CRK: variants seen among roughly 807,000 people sequenced by gnomAD.
CRK encodes CRK proto-oncogene, adaptor protein.
CRK carries 4 observed loss-of-function variants against 29.8 expected under a neutral mutation model. The ratio of observed to expected loss-of-function variants is 0.13; its 90% CI spans 0.07 to 0.31. The LOEUF is 0.31. Ranked by LOEUF, CRK falls within the 10% of genes least tolerant of loss-of-function variation. The pLI is 1.00. For missense variants in CRK, 274 were observed against 396.5 expected (o/e 0.69, Z 2.62); for synonymous variants, 153 against 164.9 (o/e 0.93, Z 0.55).
Position 1,423,385 on chromosome 17 carries a change from ATC to A in CRK, c.*126_*127del. ...AATGGAGCAGTTCAGTCTAAAAAATATCACAGGTAACAGAATGCTTATATAAA... is the reference window on the plus strand; with the variant it reads ...AATGGAGCAGTTCAGTCTAAAAAATAACAGGTAACAGAATGCTTATATAAA... On this transcript the variant is annotated 3_prime_UTR_variant, in exon 3 of 3. Transcript: ENST00000300574. 2 of 1,184,082 alleles carry A rather than the reference ATC, an allele frequency of 1.7e-6. No homozygotes were observed. The highest frequency in any genetic ancestry group is 2.3e-6 in the Non-Finnish European group (2 of 852,158). 73.3% of individuals were successfully genotyped at this position (1,184,082 alleles called of 1,614,324 possible).
intron 1 of CRK, 118 bp downstream of exon 1, chr17:1,455,759 G>A: frequency 3.0e-6 from 4 of 1,319,326 alleles, no homozygotes; most frequent in Non-Finnish European, 3.9e-6. Flanking sequence ...CCCCTGCCAC[G>A]GTCACCCAGC....
intron 2 of CRK, 98 bp from the exon 3 acceptor site, chr17:1,423,748 C>T: frequency 1.4e-6 from 2 of 1,455,772 alleles, no homozygotes; most frequent in South Asian, 1.3e-5. Flanking sequence ...CATGTGACTG[C>T]TCTAGGGATA....
intron 1 of CRK, among the ~76,000 whole-genome samples, chr17:1,442,556 ATTAATT>A (rs1350318510): frequency 6.8e-6 from 1 of 147,302 alleles, no homozygotes; most frequent in African/African-American, 2.5e-5. Context: ...TCCAGCCATT[ATTAATT>A]TTAATTATTT....
intron 2 of CRK, among the ~76,000 whole-genome samples, chr17:1,432,003 C>CT (rs1261201009): frequency 6.6e-6 from 1 of 152,182 alleles, no homozygotes; most frequent in Non-Finnish European, 1.5e-5. Context: ...ACTTGAAGTA[C>CT]TACAAGGTAG....
chr17:1,452,457 G>A (rs2074025195), intron 1 of CRK, among the ~76,000 whole-genome samples: 1 of 152,178 alleles, frequency 6.6e-6, no homozygotes, highest in South Asian at 2.1e-4. Flanking sequence ...TCAGTACTTA[G>A]TACTTGAGAT....
At chr17:1,430,018 G>C (rs1050497331) in intron 2 of CRK, among the ~76,000 whole-genome samples, 3 of 150,972 alleles carry the variant, frequency 2.0e-5, no homozygotes, top group Non-Finnish European at 4.4e-5. Flanking sequence ...ACGGAGATGA[G>C]ATAATGGCTA....
chr17:1,442,928 T>C (rs1366442325), intron 1 of CRK, among the ~76,000 whole-genome samples: 1 of 150,690 alleles, frequency 6.6e-6, no homozygotes, highest in African/African-American at 2.4e-5. Context: ...CTCACTCTGC[T>C]GTCCAGGCTG....
In CRK at chr17:1,436,617, T is replaced by A; in HGVS notation, c.777+3A>T. ...TTCTTTCTACATTGTGCACGTTATG[T>A]ACCTCCAAAGCCAAGGCTGTCTTGT... On this transcript the variant is annotated splice_donor_region_variant and intron_variant, in intron 2 of 2. Coordinates refer to ENST00000300574, the MANE Select transcript of CRK (RefSeq NM_016823.4). The A allele has an allele frequency of 6.3e-7, 1 of 1,595,720 alleles. No homozygotes were observed. The highest frequency in any genetic ancestry group is 8.5e-7 in the Non-Finnish European group (1 of 1,173,108).
chr17:1,436,558 A>G (rs548170326), intron 2 of CRK, 62 bp downstream of exon 2: 15 of 1,515,544 alleles, frequency 9.9e-6, no homozygotes, highest in Middle Eastern at 2.1e-4. Context: ...ACAAAGCTCT[A>G]AGAGGACCGA....
chr17:1,438,021 C>T (rs557911117), intron 1 of CRK, among the ~76,000 whole-genome samples: 2 of 152,118 alleles, frequency 1.3e-5, no homozygotes, highest in East Asian at 3.9e-4. Context: ...TCATGGGTCC[C>T]TGCTGCTGTT....
In CRK at chr17:1,456,045, C is replaced by T; in HGVS notation, c.73G>A (p.Ala25Thr). The T allele has an allele frequency of 1.3e-6, 2 of 1,593,892 alleles. No homozygotes were observed. Among genetic ancestry groups the T allele is most frequent in the Non-Finnish European group, 1.7e-6 (2 of 1,172,306 alleles). The part of the protein sequence containing the change: ...WGRLSRQEAV[A>T]LLQGQRHGVF... ...CCGTGCCGCTGGCCCTGCAGCAGCG[C>T]CACCGCCTCCTGCCGACTCAACCTC... The change falls in exon 1 of 3, where the codon GCG becomes ACG. Residue 25 changes from alanine (A) to threonine (T), a missense_variant. Ala to Thr is a moderately conservative substitution (Grantham distance 58). Transcript: ENST00000300574.
chr17:1,430,595 G>A (rs2073833842), intron 2 of CRK, among the ~76,000 whole-genome samples: 1 of 136,664 alleles, frequency 7.3e-6, no homozygotes, highest in Non-Finnish European at 1.6e-5. Context: ...TCCATTTCCT[G>A]ACCTCGTGAT....
chr17:1,438,943 T>A (rs2073912014), intron 1 of CRK, among the ~76,000 whole-genome samples: 1 of 151,178 alleles, frequency 6.6e-6, no homozygotes, highest in Non-Finnish European at 1.5e-5. Context: ...CAAGCAAGCC[T>A]CCCACCCAGC....
At chr17:1,437,224 T>A (rs2073893636) in intron 1 of CRK, 69 bp from the exon 2 acceptor site, 4 of 1,467,838 alleles carry the variant, frequency 2.7e-6, no homozygotes, top group Non-Finnish European at 3.6e-6. Context: ...GATTTTATTT[T>A]TATTTTTTTT....
chr17:1,436,645 T>C lies in CRK; in HGVS notation c.752A>G (p.Tyr251Cys), dbSNP rs1378140776. 1 of 1,608,732 alleles carries C rather than the reference T, an allele frequency of 6.2e-7. No homozygotes were observed. The highest frequency in any genetic ancestry group is 8.5e-7 in the Non-Finnish European group (1 of 1,178,328). Residue 251 changes from tyrosine (Y) to cysteine (C), a missense_variant, in exon 2 of 3, where the codon TAC becomes TGC. By Grantham distance (194) the Tyr-to-Cys change is radical. Around this residue, in one of 3 missense-constraint regions of CRK, gnomAD observed 121 missense variants for 154.3 expected, o/e 0.78. Transcript: ENST00000300574. ...CTCCAAAGCCAAGGCTGTCTTGTCG[T>C]AGGCATTGGGGACTCGCTTCTGGAT... The part of the protein sequence containing the change: ...RVIQKRVPNA[Y>C]DKTALALEVG...
chr17:1,440,316 T>A (rs1337633433), intron 1 of CRK, among the ~76,000 whole-genome samples: 2 of 146,716 alleles, frequency 1.4e-5, no homozygotes, highest in African/African-American at 5.1e-5. Flanking sequence ...AAAAAAAAAT[T>A]AGCCAGGCAT....
chr17:1,445,020 C>T (rs573953458), intron 1 of CRK, among the ~76,000 whole-genome samples: 4 of 146,054 alleles, frequency 2.7e-5, no homozygotes, highest in Non-Finnish European at 4.5e-5. Flanking sequence ...TGGTGGCGGG[C>T]GCCTGTAGTC....
At chr17:1,425,106 T>A (rs1279585727) in intron 2 of CRK, among the ~76,000 whole-genome samples, 1 of 151,950 alleles carries the variant, frequency 6.6e-6, no homozygotes, top group Non-Finnish European at 1.5e-5. Context: ...GTTTGTTTTT[T>A]TAAGACAGAG....
In CRK at chr17:1,440,286, G is replaced by A. The variant is rs538571324; in HGVS notation, c.242-3131C>T. Among the ~76,000 whole-genome samples, 16 of 150,232 alleles carry A rather than the reference G, an allele frequency of 1.1e-4. No homozygotes were observed. In the South Asian group the frequency reaches 2.1e-3, roughly 20 times the overall value. On this transcript the variant is annotated intron_variant, in intron 1 of 2. Transcript: ENST00000300574. Reference sequence around the variant, plus strand: ...TGCACTCCAGCCTGGGCGACAGAGCGGGACTCTGTCTCAAAAAAAAAAAAA... The same window carrying A: ...TGCACTCCAGCCTGGGCGACAGAGCAGGACTCTGTCTCAAAAAAAAAAAAA...
Sources: allele counts gnomAD v4.1 joint callset (sites outside exome capture counted in the v4.1 genomes callset), GRCh38; gene constraint gnomAD v4.1.1; regional missense constraint gnomAD v4.1.1; transcripts MANE v1.5; gene names NCBI Gene and HGNC (gene_info 2026-07-23, HGNC 2026-07-21).